Variants in TMEM163 observed in about 807,000 individuals in gnomAD.
The protein encoded by TMEM163 is transmembrane protein 163.
A neutral mutation model predicts 29.3 loss-of-function variants in TMEM163; 17 were observed. The ratio of observed to expected loss-of-function variants is 0.58; its 90% CI spans 0.40 to 0.87. The LOEUF is 0.87. TMEM163 is among the 40% of genes least tolerant of loss of function. TMEM163 has a pLI of 0.00. For synonymous variants in TMEM163, 157 were observed against 160.6 expected (o/e 0.98, Z 0.17); for missense variants, 303 against 381.5 (o/e 0.79, Z 1.71).
chr2:134,505,565 A>G (rs550940416), intron 4 of TMEM163, among the ~76,000 whole-genome samples: 1 of 152,206 alleles, frequency 6.6e-6, no homozygotes, highest in Admixed American at 6.5e-5. Context: ...CACTCCCTGA[A>G]AATCAAGTAG....
intron 2 of TMEM163, among the ~76,000 whole-genome samples, chr2:134,636,784 A>G (rs927085955): frequency 2.6e-5 from 4 of 152,254 alleles, no homozygotes; most frequent in Non-Finnish European, 5.9e-5. Flanking sequence ...AAAACCTAAG[A>G]TCAGTGCTTG....
intron 2 of TMEM163, among the ~76,000 whole-genome samples, chr2:134,659,689 T>G (rs1683704928): frequency 6.6e-6 from 1 of 152,072 alleles, no homozygotes; most frequent in African/African-American, 2.4e-5. Flanking sequence ...GACAAATATT[T>G]TAAAAGTCAA....
chr2:134,715,358 C>A (rs1225537482), intron 1 of TMEM163, among the ~76,000 whole-genome samples: 1 of 152,222 alleles, frequency 6.6e-6, no homozygotes, highest in Non-Finnish European at 1.5e-5. Flanking sequence ...GACAGCTGGA[C>A]TGTCCCGCTA....
At chr2:134,703,237 G>A (rs555961311) in intron 2 of TMEM163, among the ~76,000 whole-genome samples, 2 of 152,254 alleles carry the variant, frequency 1.3e-5, no homozygotes, top group South Asian at 4.1e-4. Flanking sequence ...GGAAGGAAGA[G>A]TCTGGGATGC....
At chr2:134,536,331 G>A (rs1680539523) in intron 4 of TMEM163, among the ~76,000 whole-genome samples, 1 of 152,200 alleles carries the variant, frequency 6.6e-6, no homozygotes, top group South Asian at 2.1e-4. Context: ...TCCCCGTCCA[G>A]CTTGCTGGAA....
chr2:134,481,809 T>G (rs1163495398), intron 5 of TMEM163, among the ~76,000 whole-genome samples: 2 of 152,124 alleles, frequency 1.3e-5, no homozygotes, highest in Admixed American at 1.3e-4. Flanking sequence ...TGAGCTGAGA[T>G]GAAAGTGCTG....
At chr2:134,624,215 C>T (rs1682798185) in intron 2 of TMEM163, among the ~76,000 whole-genome samples, 1 of 152,180 alleles carries the variant, frequency 6.6e-6, no homozygotes, top group Non-Finnish European at 1.5e-5. Context: ...AAGGAATGCT[C>T]ATTGCTGAAA....
intron 2 of TMEM163, among the ~76,000 whole-genome samples, chr2:134,685,917 G>A (rs1402504194): frequency 6.6e-6 from 1 of 152,092 alleles, no homozygotes; most frequent in Non-Finnish European, 1.5e-5. Context: ...AAGCAAAAAG[G>A]AAATGTATTC....
chr2:134,560,126 G>A (rs1681134487), intron 2 of TMEM163, among the ~76,000 whole-genome samples: 1 of 152,130 alleles, frequency 6.6e-6, no homozygotes, highest in South Asian at 2.1e-4. Flanking sequence ...GGTTAGGGCT[G>A]TCCTGGCCAC....
At chr2:134,554,769 T>C (rs1323415063) in intron 2 of TMEM163, among the ~76,000 whole-genome samples, 22 of 152,216 alleles carry the variant, frequency 1.4e-4, no homozygotes, top group Admixed American at 1.4e-3. Context: ...CTCAAAATTA[T>C]GCAGGAACGA....
intron 2 of TMEM163, among the ~76,000 whole-genome samples, chr2:134,553,495 G>A (rs185623713): frequency 1.5e-3 from 226 of 152,260 alleles, no homozygotes; most frequent in African/African-American, 5.2e-3. Context: ...AGTTGCCATC[G>A]GCCACCGTTT....
chr2:134,650,036 G>T (rs1683432313), intron 2 of TMEM163, among the ~76,000 whole-genome samples: 1 of 145,356 alleles, frequency 6.9e-6, no homozygotes, highest in Non-Finnish European at 1.5e-5. Flanking sequence ...GAATGATGTA[G>T]GTCTGCATAT....
intron 5 of TMEM163, among the ~76,000 whole-genome samples, chr2:134,482,086 G>A (rs1679204867): frequency 6.6e-6 from 1 of 152,094 alleles, no homozygotes; most frequent in South Asian, 2.1e-4. Flanking sequence ...GTTTCTAGCT[G>A]GTCATCAGCC....
chr2:134,634,729 T>A (rs140407450), intron 2 of TMEM163, among the ~76,000 whole-genome samples: 7 of 152,368 alleles, frequency 4.6e-5, no homozygotes, highest in Admixed American at 2.0e-4. Flanking sequence ...GTGCATATAG[T>A]CTTCGTCAGA....
chr2:134,575,965 T>C (rs1681546010), intron 2 of TMEM163, among the ~76,000 whole-genome samples: 1 of 151,920 alleles, frequency 6.6e-6, no homozygotes, highest in Non-Finnish European at 1.5e-5. Flanking sequence ...ACACCTGTGC[T>C]TAAGAAACTG....
At chr2:134,548,679 AT>A (rs71955562) in intron 4 of TMEM163, among the ~76,000 whole-genome samples, 19,018 of 152,012 alleles carry the variant, frequency 0.13, 2,631 homozygotes, top group African/African-American at 0.34. Flanking sequence ...CAGGTTTCAG[AT>A]TTTTTTTGGA....
chr2:134,456,264 G>T lies in TMEM163; in HGVS notation c.*452C>A, dbSNP rs953110051. On this transcript the variant is annotated 3_prime_UTR_variant, in exon 8 of 8. Transcript: ENST00000281924. Reference sequence around the variant, plus strand: ...AGGAAGTGACATACTGATGATTCTGGGTATGTAAAGGGTGAGGGGTACAAT... The same window carrying T: ...AGGAAGTGACATACTGATGATTCTGTGTATGTAAAGGGTGAGGGGTACAAT... 6 of 161,466 alleles carry T rather than the reference G, an allele frequency of 3.7e-5. No individual in the cohort carries two copies. The East Asian group carries it at 8.7e-4, about 24-fold the overall frequency. The allele number at this position is 161,466 out of a possible 1,614,324, so 10.0% of individuals were successfully genotyped here.
chr2:134,480,068 A>G (rs34637994), intron 5 of TMEM163, among the ~76,000 whole-genome samples: 5,468 of 152,276 alleles, frequency 0.036, 165 homozygotes, highest in South Asian at 0.13. Context: ...AGTCTTGCAA[A>G]TTGGTAGATA....
At chr2:134,534,499 C>T (rs1680486834) in intron 4 of TMEM163, among the ~76,000 whole-genome samples, 1 of 152,106 alleles carries the variant, frequency 6.6e-6, no homozygotes. Context: ...CGCCTGTAAT[C>T]CTAACACTTT....
Sources: allele counts gnomAD v4.1 joint callset (sites outside exome capture counted in the v4.1 genomes callset), GRCh38; gene constraint gnomAD v4.1.1; transcripts MANE v1.5; gene names NCBI Gene and HGNC (gene_info 2026-07-23, HGNC 2026-07-21).